The following GPATCH8 variants were observed in gnomAD, a reference collection of about 807,000 sequenced individuals.
GPATCH8 encodes G patch domain-containing protein 8.
Under a neutral mutation model 118.3 loss-of-function variants are expected in GPATCH8, and 18 were observed. The observed-to-expected ratio is 0.15, with a 90% CI of 0.11 to 0.23. The LOEUF (loss-of-function observed/expected upper bound fraction) is 0.23, where lower values mean the gene tolerates loss of function less well. Ranked by LOEUF, GPATCH8 falls within the 10% of genes least tolerant of loss-of-function variation. The probability of loss-of-function intolerance (pLI) is 1.00; values close to 1 mark genes in which losing one functional copy is unlikely to be tolerated. For synonymous variants in GPATCH8, 659 were observed against 684.7 expected, an observed-to-expected ratio of 0.96 and a Z score of 0.59; for missense variants, 1,631 against 1,873.8, an observed-to-expected ratio of 0.87 and a Z score of 2.39.
intron 1 of GPATCH8, among the ~76,000 whole-genome samples, chr17:44,494,645 C>T (rs1969527258): frequency 6.6e-6 from 1 of 152,164 alleles, no homozygotes; most frequent in Non-Finnish European, 1.5e-5. Context: ...TCCTCGTATA[C>T]ACCCTCTACT....
intron 6 of GPATCH8, among the ~76,000 whole-genome samples, chr17:44,412,277 C>G (rs979819141): frequency 5.9e-5 from 9 of 152,160 alleles, no homozygotes; most frequent in African/African-American, 2.2e-4. Context: ...GTAATCCCAG[C>G]TATATGGGAG....
chr17:44,501,416 CA>C (rs10712611), intron 1 of GPATCH8, among the ~76,000 whole-genome samples: 88,202 of 146,176 alleles, frequency 0.6, 26,200 homozygotes, highest in Middle Eastern at 0.68. Flanking sequence ...GACTCCATTT[CA>C]AAAAAAAAAA....
chr17:44,475,379 CAAAAAAGAAAAAAA>C (rs1047659603), intron 1 of GPATCH8, among the ~76,000 whole-genome samples: 2 of 133,980 alleles, frequency 1.5e-5, no homozygotes, highest in African/African-American at 5.6e-5. Context: ...GACTCCATCT[CAAAAAAGAAAAAAA>C]AAAAAAGAAA....
intron 1 of GPATCH8, 26 bp downstream of exon 1, chr17:44,503,300 G>C (rs202097472): frequency 6.3e-7 from 1 of 1,596,000 alleles, no homozygotes; most frequent in South Asian, 1.1e-5. Context: ...CGCCTTCCCC[G>C]CATCCTCGGC....
rs746627225 is a variant in GPATCH8 at position 44,400,668 on chromosome 17, A to G, written c.1409T>C (p.Met470Thr). The G allele has an allele frequency of 6.2e-7, 1 of 1,612,172 alleles. No homozygotes were observed. Among genetic ancestry groups the G allele is most frequent in the Admixed American group, 1.7e-5 (1 of 59,818 alleles). Residue 470 changes from methionine (M) to threonine (T), a missense_variant, in exon 8 of 8, where the codon ATG (methionine) becomes ACG (threonine). Coordinates refer to ENST00000591680, the MANE Select transcript of GPATCH8 (RefSeq NM_001002909.4). ...GCTTCCTGGTTCTGAGGGCTCGGTC[A>G]TGCTGGTTTCCTTCGGCTGCTCAGA... Reference protein sequence around the residue: ...EVSEQPKETSMTEPSEPGSKA... With the variant: ...EVSEQPKETSTTEPSEPGSKA...
intron 1 of GPATCH8, among the ~76,000 whole-genome samples, chr17:44,495,599 G>A (rs546571087): frequency 3.3e-5 from 5 of 152,206 alleles, no homozygotes; most frequent in South Asian, 2.1e-4. Flanking sequence ...GTACTTCTTC[G>A]TACAACCACT....
intron 3 of GPATCH8, among the ~76,000 whole-genome samples, chr17:44,441,509 A>C (rs149594177): frequency 1.3e-3 from 200 of 152,088 alleles, no homozygotes; most frequent in African/African-American, 4.4e-3. Context: ...AGATCACTTG[A>C]GGTCAGGAGT....
At chr17:44,502,824 G>A (rs1391776825) in intron 1 of GPATCH8, among the ~76,000 whole-genome samples, 1 of 152,206 alleles carries the variant, frequency 6.6e-6, no homozygotes, top group Non-Finnish European at 1.5e-5. Flanking sequence ...TCCCAGGTAA[G>A]GAAGAGGAAA....
intron 1 of GPATCH8, among the ~76,000 whole-genome samples, chr17:44,492,433 G>A (rs941959585): frequency 1.3e-4 from 19 of 151,258 alleles, no homozygotes; most frequent in African/African-American, 4.1e-4. Context: ...TTAGCCAGGC[G>A]TGGTGGTGGG....
intron 3 of GPATCH8, among the ~76,000 whole-genome samples, chr17:44,451,822 C>A (rs1397275019): frequency 6.6e-6 from 1 of 152,176 alleles, no homozygotes; most frequent in African/African-American, 2.4e-5. Flanking sequence ...TGAATAACTA[C>A]TGTATATTTC....
chr17:44,493,058 T>TTTTTTTTG (rs1293162855), intron 1 of GPATCH8, among the ~76,000 whole-genome samples: 3 of 148,762 alleles, frequency 2.0e-5, no homozygotes, highest in Non-Finnish European at 4.5e-5. Flanking sequence ...CATTAGGTTT[T>TTTTTTTTG]TTTTTTTTTT....
At chr17:44,459,852 C>T (rs540451613) in intron 3 of GPATCH8, among the ~76,000 whole-genome samples, 1 of 152,188 alleles carries the variant, frequency 6.6e-6, no homozygotes, top group East Asian at 1.9e-4. Flanking sequence ...AGTGTTAGGT[C>T]AGTAAATATG....
intron 1 of GPATCH8, among the ~76,000 whole-genome samples, chr17:44,493,614 T>A (rs548506418): frequency 9.2e-5 from 14 of 152,202 alleles, no homozygotes; most frequent in Non-Finnish European, 1.8e-4. Flanking sequence ...TCAGCCAGGC[T>A]CGATGGCGTG....
intron 3 of GPATCH8, among the ~76,000 whole-genome samples, chr17:44,459,319 C>T (rs980789807): frequency 6.6e-6 from 1 of 152,122 alleles, no homozygotes; most frequent in African/African-American, 2.4e-5. Context: ...ATGTACTATA[C>T]AATAGGTGTT....
chr17:44,397,349 A>T lies in GPATCH8; in HGVS notation c.*219T>A. ...CCTAGCTTAGAAACACAGAAGAGGG[A>T]GGGACAAATTGAGAGGAGGACAGGA... On this transcript the variant is annotated 3_prime_UTR_variant, in exon 8 of 8. Transcript: ENST00000591680. The T allele has an allele frequency of 1.5e-6, 1 of 679,902 alleles. No individual in the cohort carries two copies. The highest frequency in any genetic ancestry group is 1.5e-5 in the South Asian group (1 of 66,474). The allele number at this position is 679,902 out of a possible 1,614,324, so 42.1% of individuals were successfully genotyped here.
intron 2 of GPATCH8, among the ~76,000 whole-genome samples, chr17:44,470,894 G>A (rs1053033426): frequency 4.6e-5 from 7 of 152,184 alleles, no homozygotes; most frequent in Non-Finnish European, 1.0e-4. Context: ...AATCCTAGAC[G>A]GAGCTATGGC....
At chr17:44,434,104 T>C (rs1294266792) in intron 5 of GPATCH8, among the ~76,000 whole-genome samples, 1 of 151,820 alleles carries the variant, frequency 6.6e-6, no homozygotes, top group East Asian at 1.9e-4. Flanking sequence ...TACTCCAGCC[T>C]GGGCAACAGA....
intron 1 of GPATCH8, among the ~76,000 whole-genome samples, chr17:44,475,699 CAA>C (rs1347460120): frequency 6.6e-6 from 1 of 151,386 alleles, no homozygotes; most frequent in Non-Finnish European, 1.5e-5. Flanking sequence ...ATCTCAAAAA[CAA>C]ACAAACAAAC....
At chr17:44,474,703 T>C in intron 2 of GPATCH8, 126 bp downstream of exon 2, 1 of 709,802 alleles carries the variant, frequency 1.4e-6, no homozygotes, top group Non-Finnish European at 2.6e-6. Context: ...CTGTATGGCA[T>C]GCAAGAAAAC....
Sources: gnomAD v4.1 joint callset for allele counts (sites outside exome capture counted in the v4.1 genomes callset) on GRCh38, gnomAD v4.1.1 for gene constraint, MANE v1.5 for transcripts, NCBI Gene and HGNC (gene_info 2026-07-23, HGNC 2026-07-21) for gene names.